Variants in PTK7 observed in about 807,000 individuals in gnomAD.
PTK7 encodes the protein inactive tyrosine-protein kinase 7.
PTK7 carries 39 observed loss-of-function variants against 116.6 expected under a neutral mutation model. The observed-to-expected ratio is 0.33, with a 90% CI of 0.26 to 0.44. The LOEUF (loss-of-function observed/expected upper bound fraction) is 0.44, where lower values mean the gene tolerates loss of function less well. PTK7 is among the 20% of genes least tolerant of loss of function. PTK7 has a pLI of 1.00. For synonymous variants in PTK7, 546 were observed against 563.6 expected, an observed-to-expected ratio of 0.97 and a Z score of 0.44; for missense variants, 1,169 against 1,425.6, an observed-to-expected ratio of 0.82 and a Z score of 2.90.
At chr6:43,138,680 A>G (rs1233894717) in intron 7 of PTK7, 169 bp from the exon 8 acceptor site, 1 of 928,238 alleles carries the variant, frequency 1.1e-6, no homozygotes, top group Non-Finnish European at 1.6e-6. Context: ...AAAAATTTTA[A>G]AAAAGGTGCT....
intron 17 of PTK7, among the ~76,000 whole-genome samples, chr6:43,157,364 A>ATATATATATATAT (rs70990168): frequency 1.8e-5 from 1 of 54,360 alleles, no homozygotes. Context: ...ATATATATAT[A>ATATATATATATAT]TTTTTTTTTT....
Position 43,128,967 on chromosome 6 carries a change from G to T in PTK7, c.80-10G>T. Reference sequence around the variant, plus strand: ...CCCTGACCCTGCCTCTCCCCTGTTTGCATCTACAGGTACCCAGACAGCCAT... The same window carrying T: ...CCCTGACCCTGCCTCTCCCCTGTTTTCATCTACAGGTACCCAGACAGCCAT... On this transcript the variant is annotated splice_polypyrimidine_tract_variant and intron_variant, in intron 1 of 19. Coordinates refer to ENST00000230419, the MANE Select transcript of PTK7 (RefSeq NM_002821.5). 6.3e-7 allele frequency: 1 copy of T among 1,594,104 alleles called. No individual in the cohort carries two copies. The highest frequency in any genetic ancestry group is 8.6e-7 in the Non-Finnish European group (1 of 1,167,826).
At chr6:43,095,177 T>C (rs113533343) in intron 1 of PTK7, among the ~76,000 whole-genome samples, 443 of 128,696 alleles carry the variant, frequency 3.4e-3, no homozygotes, top group Non-Finnish European at 5.2e-3. Flanking sequence ...CTGACCAACA[T>C]GGAGAAACCC....
At position 43,143,209 on chromosome 6, in the gene PTK7, G is replaced by T; in HGVS notation, c.2048-208G>T. The T allele has an allele frequency of 1.9e-6, 1 of 525,336 alleles. No homozygotes were observed. Among genetic ancestry groups the T allele is most frequent in the Non-Finnish European group, 3.4e-6 (1 of 297,694 alleles). The allele number at this position is 525,336 out of a possible 1,614,324, so 32.5% of individuals were successfully genotyped here. A position where few individuals can be genotyped will look rare whatever the true frequency, so the allele number is the denominator to read the frequency against. On this transcript the variant is annotated intron_variant, in intron 13 of 19. Coordinates refer to ENST00000230419, the MANE Select transcript of PTK7 (RefSeq NM_002821.5). The surrounding 1 kb of genome is among the most constrained non-coding windows in gnomAD (Gnocchi z 4.2). ...GGCTTCCGATGCAAAGCCAGCTTGGGAACCCCTGGCCTCATCTCCTTCAGA... is the reference window on the plus strand; with the variant it reads ...GGCTTCCGATGCAAAGCCAGCTTGGTAACCCCTGGCCTCATCTCCTTCAGA...
rs769668232 is a variant in PTK7, at chr6:43,141,838, TG to T, written c.1768+25del. 1 of 1,610,558 alleles carries T rather than the reference TG, an allele frequency of 6.2e-7. No homozygotes were observed. The highest frequency in any genetic ancestry group is 8.5e-7 in the Non-Finnish European group (1 of 1,178,184). Reference sequence around the variant, plus strand: ...GGCAGGTGCGACCGTGGCAGGGCCCTGGGGCTGGGAGGGCCCTCTGGGGTAG... The same window carrying T: ...GGCAGGTGCGACCGTGGCAGGGCCCTGGGCTGGGAGGGCCCTCTGGGGTAG... On this transcript the variant is annotated intron_variant, in intron 11 of 19. Transcript: ENST00000230419. This position sits in a 1 kb window ranked among gnomAD's most constrained non-coding sequence, Gnocchi z 4.9.
At position 43,110,845 on chromosome 6, in the gene PTK7, G is replaced by A. The variant is rs543025232; in HGVS notation, c.80-18132G>A. ...CGGTCATTTCTACCTTGTATCTTAC[G>A]TAGTCAGGCATTCTCCTTTAGATAG... is the stretch of plus-strand genomic sequence containing the variant. On this transcript the variant is annotated intron_variant, in intron 1 of 19. Transcript: ENST00000230419. Among the ~76,000 whole-genome samples, 3 of 152,268 alleles carry A rather than the reference G, an allele frequency of 2.0e-5. No individual in the cohort carries two copies. In the South Asian group the frequency reaches 6.2e-4, roughly 32 times the overall value.
chr6:43,151,598 C>T (rs1771094729), intron 17 of PTK7, among the ~76,000 whole-genome samples: 1 of 146,926 alleles, frequency 6.8e-6, no homozygotes, highest in African/African-American at 2.5e-5. Context: ...GTGGCGCGAT[C>T]TCGGCTCACT....
intron 7 of PTK7, among the ~76,000 whole-genome samples, chr6:43,134,936 A>G (rs1419746805): frequency 1.3e-5 from 2 of 152,116 alleles, no homozygotes; most frequent in African/African-American, 4.8e-5. Flanking sequence ...GATGACAGCA[A>G]GACCCTGTCT....
intron 17 of PTK7, among the ~76,000 whole-genome samples, chr6:43,153,235 C>T (rs576541479): frequency 9.9e-5 from 15 of 151,752 alleles, no homozygotes; most frequent in Non-Finnish European, 1.8e-4. Context: ...CTCAGCCTCC[C>T]GAGTAGCTGG....
chr6:43,104,365 T>C (rs1406924421), intron 1 of PTK7, among the ~76,000 whole-genome samples: 1 of 152,206 alleles, frequency 6.6e-6, no homozygotes, highest in Non-Finnish European at 1.5e-5. Context: ...ATTGCTTTAT[T>C]TTCTTAAGAA....
At chr6:43,085,858 G>A (rs975193679) in intron 1 of PTK7, among the ~76,000 whole-genome samples, 1 of 151,614 alleles carries the variant, frequency 6.6e-6, no homozygotes, top group African/African-American at 2.4e-5. Context: ...GCTTGAACCC[G>A]GGAGGCCGAG....
chr6:43,141,875 C>T lies in PTK7; in HGVS notation c.1769-56C>T. On this transcript the variant is annotated intron_variant, in intron 11 of 19. Coordinates refer to ENST00000230419, the MANE Select transcript of PTK7 (RefSeq NM_002821.5). The surrounding 1 kb of genome is among the most constrained non-coding windows in gnomAD (Gnocchi z 4.9). The stretch of plus-strand genomic sequence containing the variant: ...GGCCCTCTGGGGTAGCACCGTGTAC[C>T]CTGCCAGCCCCTTGGCTTACCCCTC... The T allele has an allele frequency of 6.3e-7, 1 of 1,597,462 alleles. No homozygotes were observed. Among genetic ancestry groups the T allele is most frequent in the Non-Finnish European group, 8.5e-7 (1 of 1,169,956 alleles).
chr6:43,154,568 A>G (rs1167387729), intron 17 of PTK7, among the ~76,000 whole-genome samples: 6 of 151,428 alleles, frequency 4.0e-5, no homozygotes, highest in Admixed American at 2.6e-4. Context: ...TTTTTTCTTT[A>G]ATGCTGGCTA....
chr6:43,134,098 G>T (rs1259957562), intron 7 of PTK7, among the ~76,000 whole-genome samples: 1 of 152,168 alleles, frequency 6.6e-6, no homozygotes, highest in Non-Finnish European at 1.5e-5. Context: ...GAGTGTAGTG[G>T]TGTGATCTTG....
intron 1 of PTK7, among the ~76,000 whole-genome samples, chr6:43,118,102 CTTTTT>C (rs10591741): frequency 0.11 from 14,105 of 123,052 alleles, 1,180 homozygotes; most frequent in East Asian, 0.3. Context: ...TCAGATGGGC[CTTTTT>C]TTTTTTTTTT....
Position 43,144,527 on chromosome 6 carries a change from C to CGCG in PTK7, c.2331_2333dup (p.Ala778dup). ...CCTTGACCAGCTTGGGCTCCGGCCC[C>CGCG]GCGGCCACCAACAAACGCCACAGCA... On this transcript the variant is annotated inframe_insertion, in exon 15 of 20. Transcript: ENST00000230419. The CGCG allele has an allele frequency of 6.2e-7, 1 of 1,614,206 alleles. No homozygotes were observed. Among genetic ancestry groups the CGCG allele is most frequent in the Non-Finnish European group, 8.5e-7 (1 of 1,180,032 alleles).
intron 17 of PTK7, among the ~76,000 whole-genome samples, chr6:43,149,286 C>T (rs993010572): frequency 7.2e-5 from 11 of 152,048 alleles, no homozygotes; most frequent in South Asian, 4.2e-4. Context: ...GCAGGAGAAT[C>T]GCTTGAGCCT....
chr6:43,159,376 G>A (rs1379705617), intron 18 of PTK7, among the ~76,000 whole-genome samples: 3 of 152,058 alleles, frequency 2.0e-5, no homozygotes, highest in East Asian at 1.9e-4. Context: ...CAGCGCTGCC[G>A]GGAACATCAC....
chr6:43,101,444 C>T (rs1056973256), intron 1 of PTK7, among the ~76,000 whole-genome samples: 10 of 150,620 alleles, frequency 6.6e-5, no homozygotes, highest in Admixed American at 1.3e-4. Context: ...CCTAGCTACT[C>T]GGGAAGCTGA....
Sources: allele counts gnomAD v4.1 joint callset (sites outside exome capture counted in the v4.1 genomes callset), GRCh38; gene constraint gnomAD v4.1.1; non-coding constraint Gnocchi (gnomAD v3.1); transcripts MANE v1.5; gene names NCBI Gene and HGNC (gene_info 2026-07-23, HGNC 2026-07-21).